FANCC: variants seen among roughly 807,000 people sequenced by gnomAD.
FANCC encodes the protein Fanconi anemia group C protein.
A neutral mutation model predicts 71.3 loss-of-function variants in FANCC; 55 were observed. That is an observed-to-expected ratio of 0.77 (90% CI 0.62 to 0.97). The LOEUF (loss-of-function observed/expected upper bound fraction) is 0.97, where lower values mean the gene tolerates loss of function less well. Among genes scored for constraint, FANCC ranks in the 50% least tolerant of loss-of-function variants. FANCC has a pLI of 0.00. For synonymous variants in FANCC, 275 were observed against 244.9 expected, an observed-to-expected ratio of 1.12 and a Z score of -1.15; for missense variants, 678 against 670.9, an observed-to-expected ratio of 1.01 and a Z score of -0.12.
chr9:95,231,357 G>A (rs1273222745), intron 4 of FANCC, among the ~76,000 whole-genome samples: 2 of 152,184 alleles, frequency 1.3e-5, no homozygotes, highest in Non-Finnish European at 2.9e-5. Context: ...GGTGACAGGG[G>A]TCCCTGGAGA....
chr9:95,137,362 C>A (rs1328111753), intron 7 of FANCC, among the ~76,000 whole-genome samples: 1 of 152,056 alleles, frequency 6.6e-6, no homozygotes, highest in African/African-American at 2.4e-5. Flanking sequence ...GAGGAGCTGG[C>A]AGAAGGCAGG....
At chr9:95,209,925 T>C (rs4647461) in intron 4 of FANCC, among the ~76,000 whole-genome samples, 224 of 152,284 alleles carry the variant, frequency 1.5e-3, no homozygotes, top group African/African-American at 4.9e-3. Context: ...CTCTTGCACA[T>C]GTATACCAGG....
chr9:95,132,011 T>C (rs1244159030), intron 8 of FANCC, among the ~76,000 whole-genome samples: 1 of 152,170 alleles, frequency 6.6e-6, no homozygotes, highest in African/African-American at 2.4e-5. Flanking sequence ...CCATAAAGAT[T>C]TTTAGGTAGG....
chr9:95,276,020 A>G (rs955945427), intron 1 of FANCC, among the ~76,000 whole-genome samples: 1 of 152,198 alleles, frequency 6.6e-6, no homozygotes, highest in Non-Finnish European at 1.5e-5. Flanking sequence ...CTGAATTACA[A>G]TTTCACTAAA....
intron 4 of FANCC, among the ~76,000 whole-genome samples, chr9:95,175,975 G>C (rs926089231): frequency 1.3e-5 from 2 of 152,246 alleles, no homozygotes; most frequent in Non-Finnish European, 2.9e-5. Context: ...TGCTAGGTGA[G>C]GGGAGGGCAG....
At chr9:95,242,529 G>A (rs1008435567) in intron 3 of FANCC, among the ~76,000 whole-genome samples, 5 of 147,472 alleles carry the variant, frequency 3.4e-5, no homozygotes, top group Admixed American at 1.3e-4. Flanking sequence ...ATGAGTTTAT[G>A]AAGCTTAAAT....
intron 13 of FANCC, among the ~76,000 whole-genome samples, chr9:95,108,623 G>A (rs993651947): frequency 1.3e-5 from 2 of 152,076 alleles, no homozygotes; most frequent in Non-Finnish European, 2.9e-5. Flanking sequence ...AAAGATAAAA[G>A]CTTTCTTTTC....
At chr9:95,118,994 T>A (rs2134735268) in intron 10 of FANCC, among the ~76,000 whole-genome samples, 1 of 152,352 alleles carries the variant, frequency 6.6e-6, no homozygotes, top group East Asian at 1.9e-4. Flanking sequence ...CATATGGTTT[T>A]CCGGTGTTGT....
intron 1 of FANCC, among the ~76,000 whole-genome samples, chr9:95,315,892 T>C (rs769898843): frequency 6.6e-6 from 1 of 152,246 alleles, no homozygotes; most frequent in Admixed American, 6.5e-5. Flanking sequence ...TGCTGAAATA[T>C]GGAACTGGTT....
At chr9:95,222,766 T>C (rs1224424936) in intron 4 of FANCC, among the ~76,000 whole-genome samples, 1 of 152,226 alleles carries the variant, frequency 6.6e-6, no homozygotes, top group Non-Finnish European at 1.5e-5. Context: ...TCCATAATCC[T>C]AACAAAGCTT....
chr9:95,280,446 A>C (rs1833315651), intron 1 of FANCC, among the ~76,000 whole-genome samples: 1 of 152,228 alleles, frequency 6.6e-6, no homozygotes, highest in Non-Finnish European at 1.5e-5. Flanking sequence ...CATCTATAGA[A>C]TTCTCCACCC....
chr9:95,304,021 A>G (rs1267211488), intron 1 of FANCC, among the ~76,000 whole-genome samples: 1 of 152,236 alleles, frequency 6.6e-6, no homozygotes, highest in Non-Finnish European at 1.5e-5. Context: ...GAAATTGTAA[A>G]AACACAGGAA....
chr9:95,251,904 G>A (rs1307370421), intron 1 of FANCC, among the ~76,000 whole-genome samples: 1 of 152,172 alleles, frequency 6.6e-6, no homozygotes, highest in Non-Finnish European at 1.5e-5. Flanking sequence ...CTGAAAGGAA[G>A]TAACTGCTAG....
At chr9:95,124,281 A>C (rs938082027) in intron 10 of FANCC, among the ~76,000 whole-genome samples, 1 of 152,124 alleles carries the variant, frequency 6.6e-6, no homozygotes, top group African/African-American at 2.4e-5. Flanking sequence ...GATGCACTGG[A>C]CCAGCACCAC....
chr9:95,156,020 C>T (rs574983642), intron 6 of FANCC, among the ~76,000 whole-genome samples: 18 of 152,018 alleles, frequency 1.2e-4, no homozygotes, highest in Non-Finnish European at 1.9e-4. Flanking sequence ...GCCACTGTGC[C>T]AAGGCTGAAA....
chr9:95,263,636 G>A (rs1245794398), intron 1 of FANCC, among the ~76,000 whole-genome samples: 1 of 152,048 alleles, frequency 6.6e-6, no homozygotes, highest in Non-Finnish European at 1.5e-5. Flanking sequence ...AGCTGTCAGA[G>A]AGAGGTCATC....
Position 95,101,724 on chromosome 9 carries a change from G to A in FANCC, c.1660C>T (p.Leu554=), listed in dbSNP as rs769743634. The stretch of plus-strand genomic sequence containing the variant: ...CGTGCCTTCTAGACTTGAGTTCGCA[G>A]CTCTTTAAGGAGCTCTCGGGCCAGT... ...EKLARELLKE[L]RTQV The change falls in exon 15 of 15, where the codon CTG becomes TTG. Residue 554 remains leucine (L), a synonymous_variant. Coordinates refer to ENST00000289081, the MANE Select transcript of FANCC (RefSeq NM_000136.3). 5 of 1,613,938 alleles carry A rather than the reference G, an allele frequency of 3.1e-6. No individual in the cohort carries two copies. The highest frequency in any genetic ancestry group is 1.3e-5 in the African/African-American group (1 of 74,914).
At chr9:95,201,133 A>AT (rs1322105202) in intron 4 of FANCC, among the ~76,000 whole-genome samples, 6 of 152,240 alleles carry the variant, frequency 3.9e-5, no homozygotes, top group Admixed American at 2.0e-4. Flanking sequence ...ACAATGTAGT[A>AT]TAAAGCATTT....
intron 6 of FANCC, 43 bp downstream of exon 6, chr9:95,171,036 C>A (rs1462328605): frequency 4.0e-6 from 6 of 1,505,386 alleles, no homozygotes; most frequent in Non-Finnish European, 5.5e-6. Context: ...CAAACTGATA[C>A]ATTTTGAAAC....
Sources: allele counts gnomAD v4.1 joint callset (sites outside exome capture counted in the v4.1 genomes callset), GRCh38; gene constraint gnomAD v4.1.1; transcripts MANE v1.5; gene names NCBI Gene and HGNC (gene_info 2026-07-23, HGNC 2026-07-21).